The following SOX5 variants were observed in gnomAD, a reference collection of about 807,000 sequenced individuals.
The protein encoded by SOX5 is transcription factor SOX-5.
SOX5 carries 9 observed loss-of-function variants against 92.0 expected under a neutral mutation model. The ratio of observed to expected loss-of-function variants is 0.10; its 90% CI spans 0.06 to 0.17. The LOEUF is 0.17. SOX5 is among the 10% of genes least tolerant of loss of function. SOX5 has a pLI of 1.00. For synonymous variants in SOX5, 344 were observed against 336.3 expected (o/e 1.02, Z -0.25); for missense variants, 642 against 944.5 (o/e 0.68, Z 4.20).
intron 4 of SOX5, among the ~76,000 whole-genome samples, chr12:24,106,701 G>A (rs896664956): frequency 1.3e-5 from 2 of 151,308 alleles, no homozygotes; most frequent in Non-Finnish European, 2.9e-5. Flanking sequence ...CTGTGGTGGG[G>A]GAATTGCTTG....
At chr12:23,668,445 C>A (rs1487941251) in intron 6 of SOX5, among the ~76,000 whole-genome samples, 2 of 152,124 alleles carry the variant, frequency 1.3e-5, no homozygotes, top group African/African-American at 4.8e-5. Context: ...TTTCACTGCA[C>A]TGATGCTGAA....
At chr12:23,827,980 C>G (rs2096258889) in intron 3 of SOX5, among the ~76,000 whole-genome samples, 1 of 152,136 alleles carries the variant, frequency 6.6e-6, no homozygotes, top group Non-Finnish European at 1.5e-5. Flanking sequence ...CAAATGGTTT[C>G]TAATGTTGGC....
In SOX5 at chr12:24,517,921, C is replaced by G. The variant is rs182510087; in HGVS notation, c.-251+44408G>C. On this transcript the variant is annotated intron_variant, in intron 1 of 4. Transcript: ENST00000446891. ...CTATTTTCAAGTAGACAACTTCCAT[C>G]CCATTGAAAATAGTGAGTAGAAAAT... Among the ~76,000 whole-genome samples, 147 of 152,254 alleles carry G rather than the reference C, an allele frequency of 9.7e-4. 2 individuals are homozygous for G. The highest frequency in any genetic ancestry group is 2.7e-3 in the Admixed American group (41 of 15,296).
intron 1 of SOX5, among the ~76,000 whole-genome samples, chr12:24,380,591 T>A (rs1957726412): frequency 6.6e-6 from 1 of 152,246 alleles, no homozygotes; most frequent in Non-Finnish European, 1.5e-5. Context: ...ACAAGGATTT[T>A]CAACCCATTT....
At chr12:23,608,108 GAAAAAAGAAAA>G (rs2075478624) in intron 8 of SOX5, among the ~76,000 whole-genome samples, 1 of 5,676 alleles carries the variant, frequency 1.8e-4, no homozygotes, top group African/African-American at 2.6e-4. Context: ...TGTCTCAAAA[GAAAAAAGAAAA>G]AAAAAAAAAA....
At chr12:23,779,997 G>T (rs2095241443) in intron 3 of SOX5, among the ~76,000 whole-genome samples, 1 of 144,436 alleles carries the variant, frequency 6.9e-6, no homozygotes, top group African/African-American at 2.5e-5. Context: ...GTGTATTTGA[G>T]TCTAAGGTTC....
chr12:24,103,349 AAT>A (rs1946306564), intron 4 of SOX5, among the ~76,000 whole-genome samples: 1 of 87,886 alleles, frequency 1.1e-5, no homozygotes, highest in African/African-American at 3.4e-5. Flanking sequence ...TTCTTTTCTC[AAT>A]ATCTTTTTTT....
chr12:23,596,450 A>G (rs1281544436), intron 9 of SOX5, among the ~76,000 whole-genome samples: 1 of 152,192 alleles, frequency 6.6e-6, no homozygotes, highest in Non-Finnish European at 1.5e-5. Flanking sequence ...TTTTATGAAT[A>G]AGTAAGAATG....
At chr12:24,009,164 C>A (rs991285314) in intron 4 of SOX5, among the ~76,000 whole-genome samples, 1 of 152,140 alleles carries the variant, frequency 6.6e-6, no homozygotes, top group Non-Finnish European at 1.5e-5. Context: ...TGATTTCAGC[C>A]CTGCTGTGAT....
chr12:23,642,864 G>A (rs1363995485), intron 7 of SOX5, among the ~76,000 whole-genome samples: 2 of 111,352 alleles, frequency 1.8e-5, no homozygotes, highest in Admixed American at 1.6e-4. Flanking sequence ...GAGGCGGGCG[G>A]ATCACGAGGT....
intron 1 of SOX5, among the ~76,000 whole-genome samples, chr12:24,458,105 T>C (rs1943216613): frequency 6.6e-6 from 1 of 152,190 alleles, no homozygotes; most frequent in Non-Finnish European, 1.5e-5. Flanking sequence ...CCTGAATATC[T>C]TGTTAAAATG....
At chr12:23,903,303 G>A (rs1156305924) in intron 1 of SOX5, among the ~76,000 whole-genome samples, 1 of 152,158 alleles carries the variant, frequency 6.6e-6, no homozygotes, top group African/African-American at 2.4e-5. Context: ...CAGACACAGA[G>A]GGCTTGGTGT....
chr12:23,716,010 G>A (rs1223454538), intron 6 of SOX5, among the ~76,000 whole-genome samples: 1 of 152,090 alleles, frequency 6.6e-6, no homozygotes, highest in Non-Finnish European at 1.5e-5. Context: ...TAAGTTTGTT[G>A]TGTGGATGAT....
intron 8 of SOX5, among the ~76,000 whole-genome samples, chr12:23,626,086 T>A (rs558781468): frequency 2.7e-5 from 4 of 149,050 alleles, no homozygotes; most frequent in Admixed American, 2.0e-4. Context: ...GAGGAAAAAA[T>A]GAAGAAAAAA....
At chr12:24,425,586 A>G (rs11047431) in intron 1 of SOX5, among the ~76,000 whole-genome samples, 5,617 of 152,296 alleles carry the variant, frequency 0.037, 146 homozygotes, top group Non-Finnish European at 0.061. Context: ...TTTTACAACA[A>G]TCGGGAAACC....
chr12:24,259,206 GAGAC>G (rs1388591331), intron 3 of SOX5, among the ~76,000 whole-genome samples: 2 of 152,292 alleles, frequency 1.3e-5, no homozygotes, highest in East Asian at 1.9e-4. Flanking sequence ...GCACAAGAAA[GAGAC>G]AGAAAGAGAG....
At chr12:23,593,080 A>G (rs201684318) in intron 9 of SOX5, among the ~76,000 whole-genome samples, 2 of 84,220 alleles carry the variant, frequency 2.4e-5, no homozygotes, top group African/African-American at 6.3e-5. Flanking sequence ...CCCTGTCTCA[A>G]AAATAAATAA....
chr12:23,814,240 G>C (rs531886111), intron 3 of SOX5, among the ~76,000 whole-genome samples: 1 of 152,224 alleles, frequency 6.6e-6, no homozygotes, highest in African/African-American at 2.4e-5. Flanking sequence ...AACATGTGCT[G>C]ATCTAATTGA....
At chr12:23,665,643 T>C in intron 6 of SOX5, 79 bp from the exon 7 acceptor site, 2 of 1,463,880 alleles carry the variant, frequency 1.4e-6, no homozygotes, top group Non-Finnish European at 1.8e-6. Context: ...TATTTCATGA[T>C]AAAAGAAAAT....
Sources: gnomAD v4.1 joint callset for allele counts (sites outside exome capture counted in the v4.1 genomes callset) on GRCh38, gnomAD v4.1.1 for gene constraint, MANE v1.5 for transcripts, NCBI Gene and HGNC (gene_info 2026-07-23, HGNC 2026-07-21) for gene names.